Variants in LAPTM4B observed in about 807,000 individuals in gnomAD.
LAPTM4B encodes lysosomal-associated transmembrane protein 4B.
In LAPTM4B, 26 loss-of-function variants were observed where a neutral mutation model predicts 28.5. That is an observed-to-expected ratio of 0.91 (90% CI 0.67 to 1.27). LAPTM4B has a LOEUF of 1.27. LAPTM4B is among the 50% of genes most tolerant of loss of function. The pLI, the probability that LAPTM4B is intolerant of heterozygous loss-of-function variation, is 0.00. For missense variants in LAPTM4B, 288 were observed against 285.8 expected, an observed-to-expected ratio of 1.01 and a Z score of -0.06; for synonymous variants, 109 against 106.4, an observed-to-expected ratio of 1.02 and a Z score of -0.15.
chr8:97,808,513 T>C (rs767855107), intron 2 of LAPTM4B, among the ~76,000 whole-genome samples: 6 of 152,114 alleles, frequency 3.9e-5, no homozygotes, highest in Non-Finnish European at 5.9e-5. Context: ...ATGAGTTAAA[T>C]ATGGAAAGCT....
intron 1 of LAPTM4B, among the ~76,000 whole-genome samples, chr8:97,795,626 G>A (rs2129749593): frequency 6.6e-6 from 1 of 152,178 alleles, no homozygotes; most frequent in East Asian, 1.9e-4. Context: ...GCTGAGGTGG[G>A]TGGATCGCTT....
chr8:97,820,202 C>T (rs190521612), intron 5 of LAPTM4B, among the ~76,000 whole-genome samples: 5 of 152,220 alleles, frequency 3.3e-5, no homozygotes, highest in African/African-American at 4.8e-5. Context: ...GTTTATAAAA[C>T]CATCATTATA....
At chr8:97,814,405 T>G (rs1816870804) in intron 2 of LAPTM4B, among the ~76,000 whole-genome samples, 1 of 151,416 alleles carries the variant, frequency 6.6e-6, no homozygotes, top group Non-Finnish European at 1.5e-5. Context: ...ACCTAGGGGG[T>G]GAGGTGGGAG....
intron 5 of LAPTM4B, among the ~76,000 whole-genome samples, chr8:97,822,336 T>C (rs1232062239): frequency 6.6e-6 from 1 of 151,932 alleles, no homozygotes; most frequent in African/African-American, 2.4e-5. Flanking sequence ...ATTTTATAAA[T>C]CTTACCTGCA....
intron 2 of LAPTM4B, among the ~76,000 whole-genome samples, chr8:97,806,412 A>T (rs1449373416): frequency 6.6e-6 from 1 of 152,210 alleles, no homozygotes; most frequent in African/African-American, 2.4e-5. Context: ...AAGGAGACGG[A>T]GGAATCAAAG....
At chr8:97,805,512 C>A in intron 2 of LAPTM4B, 48 bp downstream of exon 2, 2 of 965,036 alleles carry the variant, frequency 2.1e-6, no homozygotes, top group Non-Finnish European at 1.7e-6. Context: ...AATCTGACTG[C>A]CAGCACTTCC....
chr8:97,807,077 C>T (rs570159475), intron 2 of LAPTM4B, among the ~76,000 whole-genome samples: 1 of 152,258 alleles, frequency 6.6e-6, no homozygotes, highest in African/African-American at 2.4e-5. Context: ...TTCCCAGTCT[C>T]GGGTATGTCT....
intron 4 of LAPTM4B, among the ~76,000 whole-genome samples, chr8:97,818,458 GA>G (rs1276981959): frequency 6.6e-6 from 1 of 152,162 alleles, no homozygotes; most frequent in Non-Finnish European, 1.5e-5. Flanking sequence ...GTTCTGTGGG[GA>G]AAGTCCGGCA....
At chr8:97,817,303 T>G (rs2129795012) in intron 4 of LAPTM4B, among the ~76,000 whole-genome samples, 1 of 151,890 alleles carries the variant, frequency 6.6e-6, no homozygotes, top group East Asian at 2.0e-4. Flanking sequence ...ACCTAATTTT[T>G]CTTTTTGTAT....
chr8:97,848,198 G>T (rs1367742831), intron 6 of LAPTM4B, among the ~76,000 whole-genome samples: 1 of 152,152 alleles, frequency 6.6e-6, no homozygotes, highest in Admixed American at 6.5e-5. Context: ...GGAGGTGGAG[G>T]TTGCACTCAG....
Position 97,776,070 on chromosome 8 carries a change from G to T in LAPTM4B, c.61G>T (p.Val21Phe). The T allele has an allele frequency of 6.3e-7, 1 of 1,588,766 alleles. No homozygotes were observed. Among genetic ancestry groups the T allele is most frequent in the Non-Finnish European group, 8.5e-7 (1 of 1,171,824 alleles). The change falls in exon 1 of 7, where the codon GTC (valine) becomes TTC (phenylalanine). Residue 21 changes from valine to phenylalanine, a missense_variant. Transcript: ENST00000521545. ...YSNSCCLCCHVRTGTILLGVW... is the reference protein window; with the variant it reads ...YSNSCCLCCHFRTGTILLGVW... ...CAACAGCTGCTGCTTGTGCTGCCAT[G>T]TCCGCACCGGCACCATCCTGCTCGG...
At chr8:97,805,700 A>G (rs1291877696) in intron 2 of LAPTM4B, among the ~76,000 whole-genome samples, 1 of 152,198 alleles carries the variant, frequency 6.6e-6, no homozygotes, top group Non-Finnish European at 1.5e-5. Flanking sequence ...ATTATCATAG[A>G]CTTTCTACCC....
chr8:97,802,513 C>G (rs1278693138), intron 1 of LAPTM4B, among the ~76,000 whole-genome samples: 2 of 152,142 alleles, frequency 1.3e-5, no homozygotes, highest in African/African-American at 4.8e-5. Context: ...TTGTCACCAT[C>G]TTGGTTTTGA....
At chr8:97,831,005 G>T (rs915946312) in intron 6 of LAPTM4B, among the ~76,000 whole-genome samples, 1 of 152,156 alleles carries the variant, frequency 6.6e-6, no homozygotes, top group African/African-American at 2.4e-5. Flanking sequence ...CTTGAAGGGT[G>T]GCTCAAATTT....
intron 1 of LAPTM4B, among the ~76,000 whole-genome samples, chr8:97,786,483 C>T (rs1414379414): frequency 6.6e-6 from 1 of 151,138 alleles, no homozygotes; most frequent in African/African-American, 2.4e-5. Flanking sequence ...GCGGGCAAAT[C>T]ATGAGGTTCC....
chr8:97,834,144 G>GGA (rs1554593011), intron 6 of LAPTM4B, among the ~76,000 whole-genome samples: 1 of 75,344 alleles, frequency 1.3e-5, no homozygotes, highest in African/African-American at 4.2e-5. Flanking sequence ...TGTCTCTACA[G>GGA]AAAAAAAAAA....
intron 2 of LAPTM4B, among the ~76,000 whole-genome samples, chr8:97,808,890 G>A (rs1003665207): frequency 6.6e-6 from 1 of 152,048 alleles, no homozygotes; most frequent in Admixed American, 6.6e-5. Flanking sequence ...TAACCCGGGA[G>A]GCAGAGGCTG....
At chr8:97,786,415 A>AAAAC (rs1816402455) in intron 1 of LAPTM4B, among the ~76,000 whole-genome samples, 1 of 151,642 alleles carries the variant, frequency 6.6e-6, no homozygotes, top group Non-Finnish European at 1.5e-5. Flanking sequence ...ACTTAAAAAA[A>AAAAC]AAACAAGGCC....
At chr8:97,781,299 T>TTTTTTTTTTGG (rs1816308263) in intron 1 of LAPTM4B, among the ~76,000 whole-genome samples, 1 of 139,532 alleles carries the variant, frequency 7.2e-6, no homozygotes, top group Non-Finnish European at 1.5e-5. Context: ...TTTTTTTTTT[T>TTTTTTTTTTGG]GAGGAGTTTT....
Sources: gnomAD v4.1 joint callset for allele counts (sites outside exome capture counted in the v4.1 genomes callset) on GRCh38, gnomAD v4.1.1 for gene constraint, MANE v1.5 for transcripts, NCBI Gene and HGNC (gene_info 2026-07-23, HGNC 2026-07-21) for gene names.